Variants in USP34 observed in about 807,000 individuals in gnomAD.
USP34 encodes the protein ubiquitin specific peptidase 34, also known as ubiquitin carboxyl-terminal hydrolase 34.
In USP34, 70 loss-of-function variants were observed where a neutral mutation model predicts 460.3. The observed-to-expected ratio is 0.15, with a 90% confidence interval of 0.13 to 0.19. The LOEUF is 0.19. USP34 is among the 10% of genes least tolerant of loss of function. USP34 has a pLI of 1.00. For missense variants in USP34, 3,985 were observed against 4,236.2 expected (o/e 0.94, Z 1.65); for synonymous variants, 1,647 against 1,405.3 (o/e 1.17, Z -3.85).
At chr2:61,434,585 C>T (rs938911161) in intron 1 of USP34, among the ~76,000 whole-genome samples, 6 of 152,220 alleles carry the variant, frequency 3.9e-5, no homozygotes, top group African/African-American at 1.4e-4. Context: ...CCTGGCAAAG[C>T]TGCACCACAC....
intron 41 of USP34, among the ~76,000 whole-genome samples, chr2:61,266,460 G>C (rs1359819730): frequency 6.6e-6 from 1 of 151,960 alleles, no homozygotes; most frequent in Non-Finnish European, 1.5e-5. Flanking sequence ...TTTTGTTAAG[G>C]CCTCATTATT....
At chr2:61,443,408 C>G (rs1406092198) in intron 1 of USP34, among the ~76,000 whole-genome samples, 1 of 151,324 alleles carries the variant, frequency 6.6e-6, no homozygotes, top group African/African-American at 2.4e-5. Flanking sequence ...ATAAAAAAAT[C>G]ACTACATATC....
At position 61,261,932 on chromosome 2, in the gene USP34, G is replaced by A. The variant is rs186193696; in HGVS notation, c.5779-2156C>T. On this transcript the variant is annotated intron_variant, in intron 43 of 79. Transcript: ENST00000398571. The stretch of plus-strand genomic sequence containing the variant: ...AGCCTGGCCAAGATGGTTAAACCCT[G>A]TCTCTGCTAAAAATACAAAAATTAG... Among the ~76,000 whole-genome samples, 503 of 151,380 alleles carry A rather than the reference G, an allele frequency of 3.3e-3. 3 individuals carry two copies. Among genetic ancestry groups the A allele is most frequent in the Non-Finnish European group, 5.2e-3 (354 of 67,800 alleles).
chr2:61,230,018 G>A (rs561099591), intron 58 of USP34, among the ~76,000 whole-genome samples: 22 of 152,056 alleles, frequency 1.4e-4, no homozygotes, highest in South Asian at 4.2e-4. Context: ...AGAAGGAAAT[G>A]TGAGGATTCT....
chr2:61,261,707 A>T (rs570904620), intron 43 of USP34, among the ~76,000 whole-genome samples: 1 of 152,310 alleles, frequency 6.6e-6, no homozygotes, highest in African/African-American at 2.4e-5. Context: ...TTTAAACTTC[A>T]TGTGAGCATC....
At chr2:61,397,270 C>A (rs1693558042) in intron 3 of USP34, among the ~76,000 whole-genome samples, 1 of 150,314 alleles carries the variant, frequency 6.7e-6, no homozygotes, top group South Asian at 2.1e-4. Context: ...TACTGAAACC[C>A]TGTCTCTACT....
chr2:61,327,103 T>C (rs1376019344), intron 20 of USP34, among the ~76,000 whole-genome samples: 2 of 152,044 alleles, frequency 1.3e-5, no homozygotes. Flanking sequence ...CTTAATTCAA[T>C]GTCCTGTAAT....
At chr2:61,443,666 T>A (rs1695030958) in intron 1 of USP34, among the ~76,000 whole-genome samples, 1 of 152,128 alleles carries the variant, frequency 6.6e-6, no homozygotes, top group African/African-American at 2.4e-5. Context: ...TGCCAGTGAT[T>A]AGTGGGGAGG....
intron 1 of USP34, among the ~76,000 whole-genome samples, chr2:61,446,150 G>C (rs955982963): frequency 6.9e-6 from 1 of 144,368 alleles, no homozygotes; most frequent in South Asian, 2.2e-4. Flanking sequence ...CTAAAACTTA[G>C]AAATGTCTAC....
chr2:61,208,779 A>T, intron 70 of USP34, 120 bp downstream of exon 70: 1 of 549,770 alleles, frequency 1.8e-6, no homozygotes. Flanking sequence ...TGATCTATAT[A>T]ATTAAAACCT....
chr2:61,197,582 C>A (rs1310246282), intron 75 of USP34, among the ~76,000 whole-genome samples: 1 of 152,152 alleles, frequency 6.6e-6, no homozygotes, highest in African/African-American at 2.4e-5. Flanking sequence ...ATCACCTGTA[C>A]TATTGTTTAC....
rs139911649 is a variant in USP34 at position 61,317,051 on chromosome 2, A to C, written c.3282+603T>G. 3.4e-3 allele frequency among the ~76,000 whole-genome samples: 520 copies of C among 152,294 alleles called. 2 individuals carry two copies. The highest frequency in any genetic ancestry group is 0.011 in the African/African-American group (448 of 41,568). Reference sequence around the variant, plus strand: ...ATAAAAATCATATCTGAGACAAATCAATCTTTTATTTGAAGTAAAATATTT... The same window carrying C: ...ATAAAAATCATATCTGAGACAAATCCATCTTTTATTTGAAGTAAAATATTT... On this transcript the variant is annotated intron_variant, in intron 23 of 79. Coordinates refer to ENST00000398571, the MANE Select transcript of USP34 (RefSeq NM_014709.4).
chr2:61,205,969 T>C (rs1572834454), intron 72 of USP34, 48 bp downstream of exon 72: 2 of 1,404,714 alleles, frequency 1.4e-6, no homozygotes, highest in Non-Finnish European at 2.0e-6. Context: ...CTCACAACAA[T>C]GTTCTTCCAC....
intron 1 of USP34, among the ~76,000 whole-genome samples, chr2:61,439,050 G>A (rs894294352): frequency 6.6e-6 from 1 of 152,108 alleles, no homozygotes; most frequent in Non-Finnish European, 1.5e-5. Flanking sequence ...AAGAAATCAA[G>A]AAGGCAATTT....
chr2:61,283,071 C>G (rs2103960581), intron 37 of USP34, 74 bp downstream of exon 37: 1 of 1,496,110 alleles, frequency 6.7e-7, no homozygotes, highest in East Asian at 2.3e-5. Context: ...TTTCCATTAG[C>G]TCTTTTATTA....
intron 19 of USP34, among the ~76,000 whole-genome samples, chr2:61,332,982 T>C (rs1691315090): frequency 6.6e-6 from 1 of 152,048 alleles, no homozygotes; most frequent in Non-Finnish European, 1.5e-5. Flanking sequence ...AAGCAAGTGT[T>C]CTTACCACCT....
intron 43 of USP34, among the ~76,000 whole-genome samples, chr2:61,261,624 T>C (rs1688880443): frequency 6.6e-6 from 1 of 152,198 alleles, no homozygotes; most frequent in South Asian, 2.1e-4. Context: ...CAACTGTATA[T>C]ATGTATAAAT....
In USP34 at chr2:61,206,812, C is replaced by T; in HGVS notation, c.8994G>A (p.Leu2998=). 6.2e-7 allele frequency: 1 copy of T among 1,613,646 alleles called. No individual in the cohort carries two copies. The highest frequency in any genetic ancestry group is 8.5e-7 in the Non-Finnish European group (1 of 1,179,754). ...CHVTGDLVEL[L]SIFLSVLKST... Reference sequence around the variant, plus strand: ...ACTTCAAAACCGAAAGAAATATTGACAGAAGTTCTACTAAATCTCCAGTCA... The same window carrying T: ...ACTTCAAAACCGAAAGAAATATTGATAGAAGTTCTACTAAATCTCCAGTCA... The change falls in exon 71 of 80, where the codon CTG becomes CTA. Residue 2998 remains leucine (L), a synonymous_variant. Transcript: ENST00000398571.
chr2:61,328,644 C>T (rs1447396844), intron 20 of USP34, among the ~76,000 whole-genome samples: 1 of 152,128 alleles, frequency 6.6e-6, no homozygotes, highest in Non-Finnish European at 1.5e-5. Context: ...CTAGTATACC[C>T]TAAAAACACA....
Sources: allele counts gnomAD v4.1 joint callset (sites outside exome capture counted in the v4.1 genomes callset), GRCh38; gene constraint gnomAD v4.1.1; transcripts MANE v1.5; gene names NCBI Gene and HGNC (gene_info 2026-07-23, HGNC 2026-07-21).